SLC10A7: variants seen among roughly 807,000 people sequenced by gnomAD.
The protein encoded by SLC10A7 is sodium/bile acid cotransporter 7.
Under a neutral mutation model 43.2 loss-of-function variants are expected in SLC10A7, and 29 were observed. The ratio of observed to expected loss-of-function variants is 0.67; its 90% confidence interval spans 0.50 to 0.92. The LOEUF is 0.92. Ranked by LOEUF, SLC10A7 falls within the 40% of genes least tolerant of loss-of-function variation. SLC10A7 has a pLI of 0.00. For synonymous variants in SLC10A7, 152 were observed against 144.8 expected (o/e 1.05, Z -0.35); for missense variants, 295 against 403.2 (o/e 0.73, Z 2.30).
chr4:146,306,211 A>G (rs1016001151), intron 6 of SLC10A7, among the ~76,000 whole-genome samples: 6 of 152,114 alleles, frequency 3.9e-5, no homozygotes, highest in African/African-American at 1.4e-4. Flanking sequence ...TTTTATTGGG[A>G]GACTAAGATT....
chr4:146,336,971 G>C (rs1440949549), intron 5 of SLC10A7, among the ~76,000 whole-genome samples: 1 of 151,952 alleles, frequency 6.6e-6, no homozygotes, highest in Non-Finnish European at 1.5e-5. Context: ...CAAACCTTCA[G>C]GCAATGTAAA....
At chr4:146,353,164 A>G (rs1455467192) in intron 5 of SLC10A7, among the ~76,000 whole-genome samples, 1 of 125,550 alleles carries the variant, frequency 8.0e-6, no homozygotes, top group Non-Finnish European at 1.7e-5. Flanking sequence ...AAAAAAAGAG[A>G]GAAGAATCAA....
At chr4:146,456,423 A>G (rs180701634) in intron 4 of SLC10A7, among the ~76,000 whole-genome samples, 1 of 151,904 alleles carries the variant, frequency 6.6e-6, no homozygotes, top group Admixed American at 6.6e-5. Context: ...TCAGTCCCCC[A>G]CAGAATTGCC....
chr4:146,448,343 C>T (rs1731294105), intron 4 of SLC10A7, among the ~76,000 whole-genome samples: 1 of 152,118 alleles, frequency 6.6e-6, no homozygotes. Flanking sequence ...CTACCTTAAG[C>T]CTACCATAAG....
At chr4:146,374,619 T>TACACAC (rs59049339) in intron 5 of SLC10A7, among the ~76,000 whole-genome samples, 24 of 123,576 alleles carry the variant, frequency 1.9e-4, no homozygotes, top group East Asian at 9.6e-4. Flanking sequence ...TATATACACA[T>TACACAC]ACACACACAC....
intron 4 of SLC10A7, among the ~76,000 whole-genome samples, chr4:146,476,583 C>T (rs1024721645): frequency 6.6e-6 from 1 of 151,874 alleles, no homozygotes; most frequent in Non-Finnish European, 1.5e-5. Context: ...TAAACAGCAC[C>T]CTGAGCCACA....
chr4:146,516,233 CTCT>C (rs1328323099), intron 2 of SLC10A7, among the ~76,000 whole-genome samples: 3 of 151,732 alleles, frequency 2.0e-5, no homozygotes, highest in Non-Finnish European at 2.9e-5. Flanking sequence ...GTATTTTCTC[CTCT>C]TTTTTTTTCT....
intron 10 of SLC10A7, among the ~76,000 whole-genome samples, chr4:146,263,580 T>A (rs72727992): frequency 1.6e-3 from 246 of 152,344 alleles, no homozygotes; most frequent in Non-Finnish European, 2.3e-3. Context: ...CATCTTGCTA[T>A]CACTGCGGTA....
intron 5 of SLC10A7, among the ~76,000 whole-genome samples, chr4:146,407,186 C>T (rs962340954): frequency 6.6e-6 from 1 of 152,148 alleles, no homozygotes; most frequent in Non-Finnish European, 1.5e-5. Flanking sequence ...AGTCAACTTT[C>T]CAACTCTAAT....
intron 5 of SLC10A7, among the ~76,000 whole-genome samples, chr4:146,397,654 C>G (rs1159953964): frequency 1.3e-5 from 2 of 152,158 alleles, no homozygotes; most frequent in African/African-American, 2.4e-5. Context: ...CATCCACACA[C>G]AATTCCTTCA....
At chr4:146,434,699 G>T (rs1459665520) in intron 5 of SLC10A7, among the ~76,000 whole-genome samples, 1 of 152,166 alleles carries the variant, frequency 6.6e-6, no homozygotes, top group Non-Finnish European at 1.5e-5. Flanking sequence ...GAGTAGCTGG[G>T]ATTACAGGCA....
chr4:146,263,746 A>C (rs1368189839), intron 10 of SLC10A7, among the ~76,000 whole-genome samples: 1 of 152,268 alleles, frequency 6.6e-6, no homozygotes, highest in Non-Finnish European at 1.5e-5. Context: ...TTAAGCTGTC[A>C]TGCTGAAAAA....
At chr4:146,260,017 T>A (rs1279214145) in intron 10 of SLC10A7, among the ~76,000 whole-genome samples, 1 of 152,246 alleles carries the variant, frequency 6.6e-6, no homozygotes, top group African/African-American at 2.4e-5. Flanking sequence ...CTAATAAATT[T>A]CAAACCTTTA....
intron 7 of SLC10A7, among the ~76,000 whole-genome samples, chr4:146,301,782 G>A (rs1731175705): frequency 6.6e-6 from 1 of 152,096 alleles, no homozygotes; most frequent in South Asian, 2.1e-4. Context: ...GTGGAGACAG[G>A]GTGGTGGCTG....
At chr4:146,356,051 A>ATAT (rs1491190447) in intron 5 of SLC10A7, among the ~76,000 whole-genome samples, 5,509 of 139,976 alleles carry the variant, frequency 0.039, 131 homozygotes, top group South Asian at 0.11. Flanking sequence ...AAAAAAAAAA[A>ATAT]ATATATATAT....
At chr4:146,468,242 T>C (rs1288300154) in intron 4 of SLC10A7, among the ~76,000 whole-genome samples, 1 of 152,148 alleles carries the variant, frequency 6.6e-6, no homozygotes, top group African/African-American at 2.4e-5. Flanking sequence ...TTAATAAATA[T>C]TAGCTATTAT....
At chr4:146,413,353 T>A (rs1728334393) in intron 5 of SLC10A7, among the ~76,000 whole-genome samples, 1 of 152,164 alleles carries the variant, frequency 6.6e-6, no homozygotes, top group Non-Finnish European at 1.5e-5. Context: ...AATTGTGTAT[T>A]AAAATGCTTT....
At chr4:146,292,512 G>GT (rs1478068412) in intron 9 of SLC10A7, among the ~76,000 whole-genome samples, 1 of 152,162 alleles carries the variant, frequency 6.6e-6, no homozygotes, top group African/African-American at 2.4e-5. Flanking sequence ...GAAAGAGGCA[G>GT]TTTTTGGGAA....
chr4:146,409,741 G>A (rs918868873), intron 5 of SLC10A7, among the ~76,000 whole-genome samples: 3 of 152,096 alleles, frequency 2.0e-5, no homozygotes, highest in Non-Finnish European at 4.4e-5. Flanking sequence ...AAATAGAGCC[G>A]TTGTCCTATA....
Sources: gnomAD v4.1 joint callset for allele counts (sites outside exome capture counted in the v4.1 genomes callset) on GRCh38, gnomAD v4.1.1 for gene constraint, MANE v1.5 for transcripts, NCBI Gene and HGNC (gene_info 2026-07-23, HGNC 2026-07-21) for gene names.